Variants in ANKIB1 observed in about 807,000 individuals in gnomAD.
The protein encoded by ANKIB1 is ankyrin repeat and IBR domain-containing protein 1.
A neutral mutation model predicts 122.1 loss-of-function variants in ANKIB1; 43 were observed. That is an observed-to-expected ratio of 0.35 (90% CI 0.28 to 0.45). The LOEUF is 0.45. Among genes scored for constraint, ANKIB1 ranks in the 20% least tolerant of loss-of-function variants. ANKIB1 has a pLI of 1.00. For synonymous variants in ANKIB1, 390 were observed against 442.0 expected (o/e 0.88, Z 1.48); for missense variants, 992 against 1,329.5 (o/e 0.75, Z 3.95).
intron 4 of ANKIB1, among the ~76,000 whole-genome samples, chr7:92,322,973 A>G (rs889657058): frequency 6.6e-6 from 1 of 152,172 alleles, no homozygotes; most frequent in African/African-American, 2.4e-5. Context: ...TCCCTACCTC[A>G]TAAGGTTATA....
At chr7:92,253,713 A>C (rs142383512) in intron 1 of ANKIB1, among the ~76,000 whole-genome samples, 6 of 152,064 alleles carry the variant, frequency 3.9e-5, no homozygotes, top group Non-Finnish European at 8.8e-5. Flanking sequence ...CATTCTTTTT[A>C]ACAACTTACA....
At chr7:92,259,336 T>C (rs931033149) in intron 1 of ANKIB1, among the ~76,000 whole-genome samples, 8 of 152,200 alleles carry the variant, frequency 5.3e-5, no homozygotes, top group Admixed American at 5.2e-4. Flanking sequence ...TATTTGACTT[T>C]CTCCATGGTT....
chr7:92,259,308 A>G (rs1801512811), intron 1 of ANKIB1, among the ~76,000 whole-genome samples: 1 of 152,184 alleles, frequency 6.6e-6, no homozygotes, highest in Non-Finnish European at 1.5e-5. Context: ...GCCAGGTCGT[A>G]ACCTAAAAGT....
At chr7:92,385,894 AAAAT>A (rs769901971) in intron 11 of ANKIB1, among the ~76,000 whole-genome samples, 51 of 152,302 alleles carry the variant, frequency 3.3e-4, no homozygotes, top group African/African-American at 1.0e-3. Flanking sequence ...AATAAAATAA[AAAAT>A]AAATAAACCA....
intron 11 of ANKIB1, among the ~76,000 whole-genome samples, chr7:92,379,060 A>G (rs1804450713): frequency 6.6e-6 from 1 of 152,250 alleles, no homozygotes; most frequent in Admixed American, 6.5e-5. Flanking sequence ...GAAAGATTCC[A>G]TCAGAAATAG....
chr7:92,363,708 C>A (rs1327205530), intron 10 of ANKIB1, among the ~76,000 whole-genome samples: 1 of 152,150 alleles, frequency 6.6e-6, no homozygotes, highest in Non-Finnish European at 1.5e-5. Flanking sequence ...GATGGCCTGG[C>A]GGCCATGATA....
chr7:92,291,567 CTTTTTTTTTT>C (rs1188174295), intron 1 of ANKIB1, among the ~76,000 whole-genome samples: 5 of 116,522 alleles, frequency 4.3e-5, no homozygotes, highest in Non-Finnish European at 5.4e-5. Flanking sequence ...TTTTCTTTTT[CTTTTTTTTTT>C]TTTTTTTTTT....
intron 11 of ANKIB1, among the ~76,000 whole-genome samples, chr7:92,372,481 A>G (rs1018244718): frequency 2.0e-5 from 3 of 152,144 alleles, no homozygotes; most frequent in Admixed American, 6.5e-5. Flanking sequence ...GGGAACACCT[A>G]TATATAGATG....
chr7:92,261,350 A>G (rs1177993826), intron 1 of ANKIB1, among the ~76,000 whole-genome samples: 2 of 145,946 alleles, frequency 1.4e-5, no homozygotes, highest in Non-Finnish European at 3.0e-5. Flanking sequence ...CTCCGTCTCA[A>G]AAAAAAAAAA....
At chr7:92,364,866 G>A (rs1051324845) in intron 10 of ANKIB1, among the ~76,000 whole-genome samples, 1 of 152,146 alleles carries the variant, frequency 6.6e-6, no homozygotes, top group African/African-American at 2.4e-5. Flanking sequence ...AGTTTGGGTC[G>A]GAGGGTAAAT....
chr7:92,335,519 C>G (rs1281873804), intron 5 of ANKIB1, among the ~76,000 whole-genome samples: 1 of 151,924 alleles, frequency 6.6e-6, no homozygotes, highest in Non-Finnish European at 1.5e-5. Flanking sequence ...ATAGCTCCTC[C>G]TTAATGGTGT....
rs540394382 is a variant in ANKIB1, at chr7:92,324,768, A to G, written c.670-3015A>G. On this transcript the variant is annotated intron_variant, in intron 4 of 19. Transcript: ENST00000265742. ...AATGATCTGGACAGTGTATATTTCT[A>G]TAACTTCTTAATTTAGTCTTTTCCT... 3.9e-5 allele frequency among the ~76,000 whole-genome samples: 6 copies of G among 152,308 alleles called. No individual in the cohort carries two copies. In the South Asian group the frequency reaches 8.3e-4, roughly 21 times the overall value.
At chr7:92,261,366 A>G (rs1562763358) in intron 1 of ANKIB1, among the ~76,000 whole-genome samples, 3 of 149,050 alleles carry the variant, frequency 2.0e-5, no homozygotes, top group African/African-American at 7.4e-5. Flanking sequence ...AAAAAAAAAA[A>G]GAAAAGAAAT....
Position 92,311,723 on chromosome 7 carries a change from CCCA to C in ANKIB1, c.486+4069_486+4071del, listed in dbSNP as rs372573820. ...ATTATGTTCTGTAATAAGCGCCCCC[CCCA>C]CACACACACACACAGAACATAAAAT... On this transcript the variant is annotated intron_variant, in intron 3 of 19. Coordinates refer to ENST00000265742, the MANE Select transcript of ANKIB1 (RefSeq NM_019004.2). 8.6e-4 allele frequency among the ~76,000 whole-genome samples: 128 copies of C among 149,090 alleles called. No individual in the cohort carries two copies. The East Asian group carries it at 8.9e-3, about 10-fold the overall frequency.
At chr7:92,261,815 A>T (rs1009429192) in intron 1 of ANKIB1, among the ~76,000 whole-genome samples, 1 of 152,220 alleles carries the variant, frequency 6.6e-6, no homozygotes, top group Non-Finnish European at 1.5e-5. Flanking sequence ...CATATGCTTC[A>T]GATATTTCAT....
intron 1 of ANKIB1, among the ~76,000 whole-genome samples, chr7:92,247,541 T>A (rs561064835): frequency 6.6e-6 from 1 of 152,364 alleles, no homozygotes; most frequent in African/African-American, 2.4e-5. Context: ...CTGCTTAAAC[T>A]GTGAATGTCT....
chr7:92,343,190 A>G lies in ANKIB1; in HGVS notation c.954A>G (p.Pro318=). The change falls in exon 6 of 20, where the codon CCA becomes CCG. Residue 318 remains proline (P), a synonymous_variant. Coordinates refer to ENST00000265742, the MANE Select transcript of ANKIB1 (RefSeq NM_019004.2). ...PRTTRSSVTS[P]DEISLSPGDL... Reference sequence around the variant, plus strand: ...CTACACGCTCTTCTGTCACCTCCCCAGATGAAATCAGCTTATCTCCTGGGG... The same window carrying G: ...CTACACGCTCTTCTGTCACCTCCCCGGATGAAATCAGCTTATCTCCTGGGG... 1.2e-6 allele frequency: 2 copies of G among 1,613,972 alleles called. No individual in the cohort carries two copies. The highest frequency in any genetic ancestry group is 1.7e-6 in the Non-Finnish European group (2 of 1,179,860).
intron 1 of ANKIB1, among the ~76,000 whole-genome samples, chr7:92,286,269 C>T (rs1389276503): frequency 6.6e-6 from 1 of 152,130 alleles, no homozygotes; most frequent in Non-Finnish European, 1.5e-5. Context: ...TTCTCACCAT[C>T]AGGGAAATCT....
Position 92,391,239 on chromosome 7 carries a change from A to G in ANKIB1, c.2126A>G (p.Lys709Arg). ...CCTTACCTTCGCACACCCCGCCACA[A>G]GATCATCAAAGCAGCATGCCTTGTA... ...NRPYLRTPRH[K>R]IIKAACLVQQ... Residue 709 changes from lysine (K) to arginine (R), a missense_variant, in exon 16 of 20, where the codon AAG becomes AGG. Physicochemically the swap from Lys to Arg is conservative, Grantham distance 26. Transcript: ENST00000265742. 1.2e-6 allele frequency: 2 copies of G among 1,613,518 alleles called. No homozygotes were observed. The highest frequency in any genetic ancestry group is 1.7e-6 in the Non-Finnish European group (2 of 1,179,660).
Sources: allele counts gnomAD v4.1 joint callset (sites outside exome capture counted in the v4.1 genomes callset), GRCh38; gene constraint gnomAD v4.1.1; transcripts MANE v1.5; gene names NCBI Gene and HGNC (gene_info 2026-07-23, HGNC 2026-07-21).